SP140L: variants seen among roughly 807,000 people sequenced by gnomAD.
SP140L encodes the protein nuclear body protein SP140-like protein.
Under a neutral mutation model 84.3 loss-of-function variants are expected in SP140L, and 64 were observed. The observed-to-expected ratio is 0.76, with a 90% CI of 0.62 to 0.94. The LOEUF is 0.94. Ranked by LOEUF, SP140L falls within the 40% of genes least tolerant of loss-of-function variation. SP140L has a pLI of 0.00. For missense variants in SP140L, 628 were observed against 692.5 expected, an observed-to-expected ratio of 0.91 and a Z score of 1.05; for synonymous variants, 242 against 236.9, an observed-to-expected ratio of 1.02 and a Z score of -0.20.
At chr2:230,371,836 CA>C in intron 7 of SP140L, 185 bp downstream of exon 7, 1 of 603,510 alleles carries the variant, frequency 1.7e-6, no homozygotes, top group Non-Finnish European at 3.0e-6. Context: ...TCTTACATGG[CA>C]AACGGGACTT....
Position 230,392,094 on chromosome 2 carries a change from G to C in SP140L, c.972G>C (p.Leu324Phe), listed in dbSNP as rs1467760732. ...GTTACCCTGGTCTTACAGGAACCTTGGCAAAGTGTATACAGACTGAGGATG... is the reference window on the plus strand; with the variant it reads ...GTTACCCTGGTCTTACAGGAACCTTCGCAAAGTGTATACAGACTGAGGATG... ...LHKEKLEQGTLAKCIQTEDGK... is the reference protein window; with the variant it reads ...LHKEKLEQGTFAKCIQTEDGK... The change falls in exon 12 of 19, where the codon TTG (leucine) becomes TTC (phenylalanine). Residue 324 changes from leucine (L) to phenylalanine (F), a missense_variant. Leu to Phe is a conservative substitution (Grantham distance 22, BLOSUM62 0). This residue lies in a region of SP140L where 525 missense variants were observed against 518.4 expected (regional missense o/e 1.01). Coordinates refer to ENST00000415673, the MANE Select transcript of SP140L (RefSeq NM_138402.6). The C allele has an allele frequency of 3.1e-6, 5 of 1,613,734 alleles. No individual in the cohort carries two copies. The highest frequency in any genetic ancestry group is 4.2e-6 in the Non-Finnish European group (5 of 1,179,826).
chr2:230,343,490 G>C (rs1045637734), intron 2 of SP140L, among the ~76,000 whole-genome samples: 4 of 147,526 alleles, frequency 2.7e-5, no homozygotes, highest in African/African-American at 1.0e-4. Flanking sequence ...TCATTGATGG[G>C]CATTTAGGTG....
At chr2:230,329,958 T>C (rs1189576926) in intron 2 of SP140L, among the ~76,000 whole-genome samples, 1 of 152,202 alleles carries the variant, frequency 6.6e-6, no homozygotes, top group African/African-American at 2.4e-5. Flanking sequence ...TCAATCTTCA[T>C]GGTTTTTCTT....
At chr2:230,383,711 G>A in intron 8 of SP140L, 136 bp downstream of exon 8, 1 of 801,074 alleles carries the variant, frequency 1.2e-6, no homozygotes, top group Non-Finnish European at 1.9e-6. Flanking sequence ...AGACCAACAG[G>A]CTGTGACAAA....
intron 2 of SP140L, among the ~76,000 whole-genome samples, chr2:230,354,274 TAAA>T (rs923920182): frequency 1.3e-5 from 2 of 152,092 alleles, no homozygotes; most frequent in African/African-American, 4.8e-5. Flanking sequence ...AATTAAAAAA[TAAA>T]GAAGGAAAAT....
rs2062028242 is a variant in SP140L at position 230,395,937 on chromosome 2, A to C, written c.1156-820A>C. 1.3e-5 allele frequency among the ~76,000 whole-genome samples: 2 copies of C among 152,252 alleles called. 1 individual carries two copies. Among genetic ancestry groups the C allele is most frequent in the East Asian group, 3.8e-4 (2 of 5,202 alleles). Reference sequence around the variant, plus strand: ...AGAGCTGCAGCACAGAGGACCTTGGAGTCATTTTATCACCAGGGCTGTGTC... The same window carrying C: ...AGAGCTGCAGCACAGAGGACCTTGGCGTCATTTTATCACCAGGGCTGTGTC... On this transcript the variant is annotated intron_variant, in intron 13 of 18. Coordinates refer to ENST00000415673, the MANE Select transcript of SP140L (RefSeq NM_138402.6).
Position 230,403,065 on chromosome 2 carries a change from T to A in SP140L, c.*169T>A. On this transcript the variant is annotated 3_prime_UTR_variant, in exon 19 of 19. Transcript: ENST00000415673. ...AGAAATTTGATCATCATGAATCCCA[T>A]CCCCAAGAATCTCATCAACCAGGGA... 1.8e-6 allele frequency: 1 copy of A among 563,972 alleles called. No individual in the cohort carries two copies. Among genetic ancestry groups the A allele is most frequent in the South Asian group, 2.4e-5 (1 of 42,002 alleles). 34.9% of individuals were successfully genotyped at this position (563,972 alleles called of 1,614,324 possible).
chr2:230,363,521 G>GTT (rs60055886), intron 5 of SP140L, among the ~76,000 whole-genome samples: 1,827 of 146,564 alleles, frequency 0.012, 29 homozygotes, highest in African/African-American at 0.039. Context: ...ATTTGTTTTT[G>GTT]TTTTTTTTTT....
chr2:230,368,483 G>A (rs2149758128), intron 5 of SP140L, among the ~76,000 whole-genome samples: 1 of 152,208 alleles, frequency 6.6e-6, no homozygotes, highest in Admixed American at 6.5e-5. Context: ...GGTACCTGAA[G>A]ATTTATGTTT....
At chr2:230,355,253 G>A (rs1311580799) in intron 2 of SP140L, among the ~76,000 whole-genome samples, 1 of 152,120 alleles carries the variant, frequency 6.6e-6, no homozygotes, top group Non-Finnish European at 1.5e-5. Flanking sequence ...CATGAATTTA[G>A]CAATGCCATA....
chr2:230,364,413 A>G (rs1017145646), intron 5 of SP140L, among the ~76,000 whole-genome samples: 5 of 151,998 alleles, frequency 3.3e-5, no homozygotes, highest in Admixed American at 6.6e-5. Context: ...TTCATTGTAA[A>G]TTGGATTGTT....
chr2:230,328,152 G>A (rs1240928389), intron 1 of SP140L, among the ~76,000 whole-genome samples: 1 of 152,064 alleles, frequency 6.6e-6, no homozygotes, highest in Admixed American at 6.5e-5. Context: ...CTGTCTCCTG[G>A]GTTCAAGCGA....
At chr2:230,376,868 C>T (rs541888184) in intron 7 of SP140L, among the ~76,000 whole-genome samples, 1 of 152,058 alleles carries the variant, frequency 6.6e-6, no homozygotes, top group East Asian at 1.9e-4. Flanking sequence ...TAAAAACACA[C>T]ATAAACCAAT....
chr2:230,394,612 C>T (rs563474513), intron 13 of SP140L, among the ~76,000 whole-genome samples: 13 of 152,308 alleles, frequency 8.5e-5, no homozygotes, highest in African/African-American at 2.4e-4. Flanking sequence ...GCCTGGGTGA[C>T]CCAAATGAGC....
rs374278362 is a variant in SP140L at position 230,340,401 on chromosome 2, C to T, written c.107+11570C>T. 2.5e-3 allele frequency among the ~76,000 whole-genome samples: 345 copies of T among 136,952 alleles called. 10 individuals carry two copies. Among genetic ancestry groups the T allele is most frequent in the African/African-American group, 7.3e-3 (273 of 37,330 alleles). The allele number at this position is 136,952 out of a possible 152,430, so 89.8% of individuals were successfully genotyped here. The stretch of plus-strand genomic sequence containing the variant: ...AATGTGTGTCTCTGCACGTGAGATG[C>T]GTTTCCTGAATACAGCACACTGATG... On this transcript the variant is annotated intron_variant, in intron 2 of 18. Coordinates refer to ENST00000415673, the MANE Select transcript of SP140L (RefSeq NM_138402.6).
chr2:230,354,887 A>AAG (rs1491149922), intron 2 of SP140L, among the ~76,000 whole-genome samples: 1 of 150,450 alleles, frequency 6.6e-6, no homozygotes, highest in African/African-American at 2.4e-5. Flanking sequence ...GAAAGAAAGA[A>AAG]AGAAAGAAAG....
intron 14 of SP140L, among the ~76,000 whole-genome samples, chr2:230,398,948 T>C (rs980130960): frequency 2.0e-5 from 3 of 152,174 alleles, no homozygotes; most frequent in African/African-American, 7.2e-5. Flanking sequence ...GCGGTCCTCT[T>C]GATCAGAAGT....
intron 2 of SP140L, among the ~76,000 whole-genome samples, chr2:230,350,956 T>C (rs532761925): frequency 6.6e-6 from 1 of 152,120 alleles, no homozygotes; most frequent in South Asian, 2.1e-4. Flanking sequence ...AATAGGTGAG[T>C]GTGACCAGGC....
At position 230,396,747 on chromosome 2, in the gene SP140L, T is replaced by G; in HGVS notation, c.1156-10T>G. 6.2e-7 allele frequency: 1 copy of G among 1,613,398 alleles called. No individual in the cohort carries two copies. The highest frequency in any genetic ancestry group is 2.2e-5 in the East Asian group (1 of 44,874). Reference sequence around the variant, plus strand: ...AATATCATAAATCAATCTTTCTGTTTTTTCAACAGAGAATACTGAAGTCTC... The same window carrying G: ...AATATCATAAATCAATCTTTCTGTTGTTTCAACAGAGAATACTGAAGTCTC... On this transcript the variant is annotated splice_polypyrimidine_tract_variant and intron_variant, in intron 13 of 18. Transcript: ENST00000415673.
Sources: gnomAD v4.1 joint callset for allele counts (sites outside exome capture counted in the v4.1 genomes callset) on GRCh38, gnomAD v4.1.1 for gene constraint, gnomAD v4.1.1 regional missense constraint, MANE v1.5 for transcripts, NCBI Gene and HGNC (gene_info 2026-07-23, HGNC 2026-07-21) for gene names.